Variants in MACROD2 observed in about 807,000 individuals in gnomAD.
MACROD2 encodes the protein mono-ADP ribosylhydrolase 2.
In MACROD2, 36 loss-of-function variants were observed where a neutral mutation model predicts 70.4. The observed-to-expected ratio is 0.51, with a 90% CI of 0.39 to 0.68. The LOEUF (loss-of-function observed/expected upper bound fraction) is 0.68, where lower values mean the gene tolerates loss of function less well. Ranked by LOEUF, MACROD2 falls within the 30% of genes least tolerant of loss-of-function variation. The pLI, the probability that MACROD2 is intolerant of heterozygous loss-of-function variation, is 0.00. For missense variants in MACROD2, 496 were observed against 538.4 expected, an observed-to-expected ratio of 0.92 and a Z score of 0.78; for synonymous variants, 172 against 178.8, an observed-to-expected ratio of 0.96 and a Z score of 0.30.
At chr20:14,838,820 G>A (rs1198210218) in intron 5 of MACROD2, among the ~76,000 whole-genome samples, 1 of 152,062 alleles carries the variant, frequency 6.6e-6, no homozygotes, top group Non-Finnish European at 1.5e-5. Context: ...TAAAGGGATG[G>A]CGTAGATTAA....
intron 8 of MACROD2, among the ~76,000 whole-genome samples, chr20:15,590,423 A>C (rs1250188317): frequency 6.6e-6 from 1 of 152,276 alleles, no homozygotes; most frequent in East Asian, 1.9e-4. Flanking sequence ...CCCTACTTAG[A>C]GCGATTTCTA....
intron 6 of MACROD2, among the ~76,000 whole-genome samples, chr20:15,258,162 C>T (rs1221523288): frequency 4.0e-5 from 6 of 151,864 alleles, no homozygotes; most frequent in East Asian, 1.9e-4. Flanking sequence ...AAAGTCAAAA[C>T]GTTTAAACAA....
intron 5 of MACROD2, among the ~76,000 whole-genome samples, chr20:14,782,648 T>A (rs1395094908): frequency 2.0e-5 from 3 of 152,096 alleles, no homozygotes; most frequent in Admixed American, 6.5e-5. Flanking sequence ...CTGTAAAGTG[T>A]ATCCCAGTTT....
intron 3 of MACROD2, among the ~76,000 whole-genome samples, chr20:14,257,106 A>T (rs918704814): frequency 6.6e-6 from 1 of 152,158 alleles, no homozygotes; most frequent in Non-Finnish European, 1.5e-5. Flanking sequence ...AATACAAAAA[A>T]ATTCACCATA....
chr20:15,290,822 C>A (rs2077535147), intron 6 of MACROD2, among the ~76,000 whole-genome samples: 1 of 152,210 alleles, frequency 6.6e-6, no homozygotes, highest in Non-Finnish European at 1.5e-5. Flanking sequence ...GCAATGCACC[C>A]ATCCAGGCAG....
At chr20:14,365,451 C>T (rs204633) in intron 3 of MACROD2, among the ~76,000 whole-genome samples, 104,455 of 151,244 alleles carry the variant, frequency 0.69, 36,653 homozygotes, top group Non-Finnish European at 0.75. Context: ...GTGTTTCATG[C>T]TATAAAACAT....
chr20:13,997,196 A>G (rs1228740712), intron 1 of MACROD2, among the ~76,000 whole-genome samples: 1 of 152,206 alleles, frequency 6.6e-6, no homozygotes, highest in African/African-American at 2.4e-5. Flanking sequence ...TTTAATAATT[A>G]TGGGTTTATA....
chr20:16,004,027 A>G (rs559381276), intron 15 of MACROD2, among the ~76,000 whole-genome samples: 5 of 152,126 alleles, frequency 3.3e-5, no homozygotes, highest in Admixed American at 6.5e-5. Context: ...TCCAGGGACC[A>G]CAGCTTGAGA....
chr20:14,849,438 G>T lies in MACROD2; in HGVS notation c.418+164479G>T, dbSNP rs1322712369. 2.0e-5 allele frequency among the ~76,000 whole-genome samples: 3 copies of T among 152,128 alleles called. No homozygotes were observed. In the East Asian group the frequency reaches 5.8e-4, roughly 29 times the overall value. ...GGTGTGCTGGGGCTGTCTTGCAGCA[G>T]TAGGGAGTGAAGTCTAGGCCTACCA... On this transcript the variant is annotated intron_variant, in intron 5 of 17. Transcript: ENST00000684519.
chr20:14,729,621 T>C (rs1469540435), intron 5 of MACROD2, among the ~76,000 whole-genome samples: 1 of 152,094 alleles, frequency 6.6e-6, no homozygotes, highest in Non-Finnish European at 1.5e-5. Context: ...GCGGCACACA[T>C]TCATGCGACT....
At chr20:15,598,077 C>G (rs952193429) in intron 8 of MACROD2, among the ~76,000 whole-genome samples, 22 of 152,104 alleles carry the variant, frequency 1.4e-4, no homozygotes, top group South Asian at 6.2e-4. Flanking sequence ...GAGACTCTGT[C>G]TCAAAAAAAT....
intron 3 of MACROD2, among the ~76,000 whole-genome samples, chr20:14,191,566 G>C (rs1185260548): frequency 6.6e-6 from 1 of 152,154 alleles, no homozygotes; most frequent in Non-Finnish European, 1.5e-5. Context: ...TATATATTTT[G>C]AGAAATAGAG....
chr20:15,314,623 A>G (rs1166834555), intron 6 of MACROD2, among the ~76,000 whole-genome samples: 4 of 152,150 alleles, frequency 2.6e-5, no homozygotes, highest in Non-Finnish European at 5.9e-5. Context: ...TGAGGGACTG[A>G]TGCAAGTTGT....
intron 3 of MACROD2, among the ~76,000 whole-genome samples, chr20:14,173,883 T>C (rs1011977755): frequency 3.9e-5 from 6 of 152,184 alleles, no homozygotes; most frequent in East Asian, 1.9e-4. Context: ...GTGATTGTTA[T>C]TTCTCTTCTG....
chr20:14,909,514 C>T (rs1198525444), intron 5 of MACROD2, among the ~76,000 whole-genome samples: 1 of 151,720 alleles, frequency 6.6e-6, no homozygotes, highest in Non-Finnish European at 1.5e-5. Flanking sequence ...TAAATTTCTC[C>T]ATCTGTAAAA....
intron 8 of MACROD2, among the ~76,000 whole-genome samples, chr20:15,736,171 A>T (rs117846828): frequency 0.026 from 3,987 of 152,334 alleles, 89 homozygotes; most frequent in Middle Eastern, 0.058. Context: ...CACATTGCAG[A>T]TGCTCAGTAC....
chr20:15,239,538 T>C (rs902100042), intron 6 of MACROD2, among the ~76,000 whole-genome samples: 5 of 152,206 alleles, frequency 3.3e-5, no homozygotes, highest in African/African-American at 1.2e-4. Context: ...TTTGAATTTA[T>C]AATTATGAAT....
At chr20:14,657,931 G>A (rs1352485914) in intron 4 of MACROD2, among the ~76,000 whole-genome samples, 1 of 149,792 alleles carries the variant, frequency 6.7e-6, no homozygotes, top group East Asian at 2.0e-4. Context: ...TTAGCATACT[G>A]AGCTGTTTTT....
chr20:14,354,406 AT>A, intron 3 of MACROD2, among the ~76,000 whole-genome samples: 1 of 152,100 alleles, frequency 6.6e-6, no homozygotes, highest in Non-Finnish European at 1.5e-5. Flanking sequence ...TCGAAGAACC[AT>A]TTTTTATACC....
Sources: gnomAD v4.1 joint callset for allele counts (sites outside exome capture counted in the v4.1 genomes callset) on GRCh38, gnomAD v4.1.1 for gene constraint, MANE v1.5 for transcripts, NCBI Gene and HGNC (gene_info 2026-07-23, HGNC 2026-07-21) for gene names.